Variants in SORCS2 observed in about 807,000 individuals in gnomAD.
The protein encoded by SORCS2 is sortilin related VPS10 domain containing receptor 2, also known as VPS10 domain-containing receptor SorCS2.
In SORCS2, 100 loss-of-function variants were observed where a neutral mutation model predicts 141.6. The observed-to-expected ratio is 0.71, with a 90% CI of 0.60 to 0.83. SORCS2 has a LOEUF of 0.83. SORCS2 is among the 40% of genes least tolerant of loss of function. SORCS2 has a pLI of 0.00. For missense variants in SORCS2, 1,646 were observed against 1,560.2 expected, an observed-to-expected ratio of 1.05 and a Z score of -0.93; for synonymous variants, 789 against 676.9, an observed-to-expected ratio of 1.17 and a Z score of -2.57.
chr4:7,225,732 T>G (rs1270136282), intron 1 of SORCS2, among the ~76,000 whole-genome samples: 2 of 151,932 alleles, frequency 1.3e-5, no homozygotes, highest in Admixed American at 1.3e-4. Flanking sequence ...TGTGCAGACA[T>G]CTCTCTCTCT....
chr4:7,411,529 C>G (rs765679971), intron 2 of SORCS2, among the ~76,000 whole-genome samples: 1 of 152,056 alleles, frequency 6.6e-6, no homozygotes, highest in Non-Finnish European at 1.5e-5. Context: ...CTCCCTCCTT[C>G]TCATTCTTCC....
intron 3 of SORCS2, among the ~76,000 whole-genome samples, chr4:7,537,526 G>C (rs1712230543): frequency 6.6e-6 from 1 of 152,176 alleles, no homozygotes; most frequent in African/African-American, 2.4e-5. Context: ...TAGAGAGAGA[G>C]AGCCCTTTGC....
At chr4:7,248,275 G>A (rs1346788734) in intron 1 of SORCS2, among the ~76,000 whole-genome samples, 1 of 152,150 alleles carries the variant, frequency 6.6e-6, no homozygotes, top group Non-Finnish European at 1.5e-5. Context: ...CAGTTGGAGA[G>A]TGCTCTACAC....
chr4:7,294,821 TC>T (rs1716879662), intron 1 of SORCS2, among the ~76,000 whole-genome samples: 1 of 11,424 alleles, frequency 8.8e-5, no homozygotes, highest in Non-Finnish European at 1.6e-4. Context: ...CTCTCCCTCC[TC>T]CCCCTCCCCC....
chr4:7,661,684 C>T, intron 6 of SORCS2, 120 bp downstream of exon 6: 1 of 898,606 alleles, frequency 1.1e-6, no homozygotes, highest in South Asian at 1.5e-5. Context: ...GCCGGCCTCA[C>T]TGTGTCTCGA....
chr4:7,619,871 G>A (rs1046454190), intron 3 of SORCS2, among the ~76,000 whole-genome samples: 8 of 152,092 alleles, frequency 5.3e-5, no homozygotes, highest in African/African-American at 1.4e-4. Flanking sequence ...GACGTGAAAC[G>A]CCAGGATGTT....
chr4:7,355,232 C>G (rs74555687), intron 1 of SORCS2, among the ~76,000 whole-genome samples: 4,336 of 152,160 alleles, frequency 0.028, 61 homozygotes, highest in Middle Eastern at 0.051. Flanking sequence ...TTCACTCTCC[C>G]TTCTCCTTCT....
chr4:7,326,306 G>T (rs910842499), intron 1 of SORCS2, among the ~76,000 whole-genome samples: 2 of 151,994 alleles, frequency 1.3e-5, no homozygotes, highest in Non-Finnish European at 1.5e-5. Context: ...GAGTCCACAG[G>T]TCATAGTGTG....
At chr4:7,525,293 G>A (rs1021054214) in intron 2 of SORCS2, among the ~76,000 whole-genome samples, 4 of 152,136 alleles carry the variant, frequency 2.6e-5, no homozygotes, top group African/African-American at 4.8e-5. Flanking sequence ...CACTTGCGGG[G>A]TGCCTGCAGG....
At chr4:7,439,260 C>T (rs988030066) in intron 2 of SORCS2, among the ~76,000 whole-genome samples, 3 of 152,132 alleles carry the variant, frequency 2.0e-5, no homozygotes, top group Admixed American at 1.3e-4. Context: ...ACTACGAGTT[C>T]ATACTGATAC....
chr4:7,304,488 T>C (rs1269758072), intron 1 of SORCS2, among the ~76,000 whole-genome samples: 1 of 152,186 alleles, frequency 6.6e-6, no homozygotes, highest in Non-Finnish European at 1.5e-5. Flanking sequence ...CTGCCTCCCG[T>C]CCATCCAGTG....
chr4:7,340,284 G>A (rs1253888615), intron 1 of SORCS2, among the ~76,000 whole-genome samples: 1 of 152,242 alleles, frequency 6.6e-6, no homozygotes. Flanking sequence ...GATGGAGTGT[G>A]GCCATGCCAT....
chr4:7,517,178 T>G (rs1733042928), intron 2 of SORCS2, among the ~76,000 whole-genome samples: 1 of 152,224 alleles, frequency 6.6e-6, no homozygotes, highest in South Asian at 2.1e-4. Flanking sequence ...TGATTATGTC[T>G]GTGGGTCAGT....
In SORCS2 at chr4:7,645,052, G is replaced by A. The variant is rs141922951; in HGVS notation, c.813+6560G>A. Among the ~76,000 whole-genome samples, 453 of 152,344 alleles carry A rather than the reference G, an allele frequency of 3.0e-3. 1 individual carries two copies. Among genetic ancestry groups the A allele is most frequent in the South Asian group, 0.01 (49 of 4,830 alleles). On this transcript the variant is annotated intron_variant, in intron 4 of 26. Transcript: ENST00000507866. Reference sequence around the variant, plus strand: ...CAGGGCAGGCGTCGTAAACGCAAGCGCATGAGGCAGTGATGCCAATGGTAA... The same window carrying A: ...CAGGGCAGGCGTCGTAAACGCAAGCACATGAGGCAGTGATGCCAATGGTAA...
At chr4:7,374,780 C>T (rs892935047) in intron 1 of SORCS2, among the ~76,000 whole-genome samples, 122 of 152,288 alleles carry the variant, frequency 8.0e-4, no homozygotes, top group Non-Finnish European at 6.0e-4. Flanking sequence ...CGTCACCTGG[C>T]CCCACAGCCA....
intron 2 of SORCS2, chr4:7,431,286 C>T (rs1726833038): frequency 6.6e-6 from 1 of 152,380 alleles, no homozygotes; most frequent in East Asian, 1.9e-4. Flanking sequence ...TGTGGGGACA[C>T]CCCACCCTGA....
intron 1 of SORCS2, among the ~76,000 whole-genome samples, chr4:7,386,281 C>T (rs1440219186): frequency 2.6e-5 from 2 of 77,340 alleles, no homozygotes; most frequent in African/African-American, 1.1e-4. Flanking sequence ...TACACACGCA[C>T]ATGCACACAC....
At chr4:7,276,017 G>A (rs1019095662) in intron 1 of SORCS2, among the ~76,000 whole-genome samples, 1 of 152,164 alleles carries the variant, frequency 6.6e-6, no homozygotes, top group Admixed American at 6.5e-5. Flanking sequence ...GGCTCAGTGG[G>A]GAGTTGCTCT....
At chr4:7,504,700 C>T (rs943162024) in intron 2 of SORCS2, among the ~76,000 whole-genome samples, 12 of 152,330 alleles carry the variant, frequency 7.9e-5, no homozygotes, top group East Asian at 3.9e-4. Flanking sequence ...GTCGCTATCA[C>T]GAGTAGTAAG....
Sources: allele counts gnomAD v4.1 joint callset (sites outside exome capture counted in the v4.1 genomes callset), GRCh38; gene constraint gnomAD v4.1.1; transcripts MANE v1.5; gene names NCBI Gene and HGNC (gene_info 2026-07-23, HGNC 2026-07-21).